STS: variants seen among roughly 807,000 people sequenced by gnomAD.
The protein encoded by STS is steryl-sulfatase.
In STS, 7 loss-of-function variants were observed where a neutral mutation model predicts 26.8. The ratio of observed to expected loss-of-function variants is 0.26; its 90% confidence interval spans 0.15 to 0.49. STS has a LOEUF of 0.49. Among genes scored for constraint, STS ranks in the 20% least tolerant of loss-of-function variants. STS has a pLI of 0.98. For synonymous variants in STS, 199 were observed against 189.4 expected, an observed-to-expected ratio of 1.05 and a Z score of -0.42; for missense variants, 434 against 465.6, an observed-to-expected ratio of 0.93 and a Z score of 0.63.
intron 5 of STS, among the ~76,000 whole-genome samples, chrX:7,257,950 A>G (rs1477224624): frequency 1.8e-5 from 2 of 110,850 alleles, no homozygotes; most frequent in East Asian, 5.7e-4. Context: ...GATAATAGGT[A>G]GAGAAATAGC....
At chrX:7,324,810 G>A (rs181804349) in intron 8 of STS, among the ~76,000 whole-genome samples, 1 of 111,472 alleles carries the variant, frequency 9.0e-6, no homozygotes, top group African/African-American at 3.3e-5. Flanking sequence ...TTTATTTTTG[G>A]TTTACAACCC....
intron 2 of STS, among the ~76,000 whole-genome samples, chrX:7,223,888 G>A (rs1921686300): frequency 9.0e-6 from 1 of 111,002 alleles, no homozygotes; most frequent in African/African-American, 3.3e-5. Context: ...AGACTACATA[G>A]ACATTCATTT....
chrX:7,264,770 G>A (rs958685025), intron 6 of STS, among the ~76,000 whole-genome samples: 42 of 111,614 alleles, frequency 3.8e-4, no homozygotes, highest in African/African-American at 1.3e-3. Context: ...AGAAACACTG[G>A]GTTTCATATA....
In STS at chrX:7,238,173, G is replaced by A. The variant is rs753399885; in HGVS notation, c.-4-15023G>A. On this transcript the variant is annotated intron_variant, in intron 2 of 10. Transcript: ENST00000674429. ...GTGTGTGTGTGTGTACACACAATGC[G>A]TGGTGTAGATAGATAGATAGATAGA... 3.1e-3 allele frequency among the ~76,000 whole-genome samples: 261 copies of A among 84,688 alleles called. 1 individual carries two copies. The highest frequency in any genetic ancestry group is 9.2e-3 in the Admixed American group (72 of 7,844). 73.5% of individuals were successfully genotyped at this position (84,688 alleles called of 115,157 possible).
At chrX:7,202,496 G>T (rs1480455858) in intron 2 of STS, among the ~76,000 whole-genome samples, 2 of 111,954 alleles carry the variant, frequency 1.8e-5, no homozygotes, top group African/African-American at 6.5e-5. Flanking sequence ...CTCTTCCGGG[G>T]AAGGGGATTA....
At chrX:7,148,229 C>T (rs1181433391) in intron 1 of STS, 146 bp downstream of exon 1, 4 of 372,605 alleles carry the variant, frequency 1.1e-5, no homozygotes, top group Non-Finnish European at 1.8e-5. Flanking sequence ...GCGCACGCGC[C>T]TTCCGCGGCC....
intron 1 of STS, among the ~76,000 whole-genome samples, chrX:7,148,741 T>G (rs1381546490): frequency 8.9e-6 from 1 of 112,238 alleles, no homozygotes; most frequent in East Asian, 2.8e-4. Flanking sequence ...GCGGAGAGGC[T>G]GCACAACCTC....
chrX:7,179,280 T>C (rs1933636619), intron 1 of STS, among the ~76,000 whole-genome samples: 1 of 111,256 alleles, frequency 9.0e-6, no homozygotes, highest in African/African-American at 3.3e-5. Context: ...GATAACTCGC[T>C]TTCTCTAGTC....
At chrX:7,256,692 A>G (rs1486104782) in intron 3 of STS, among the ~76,000 whole-genome samples, 1 of 111,604 alleles carries the variant, frequency 9.0e-6, no homozygotes, top group Non-Finnish European at 1.9e-5. Flanking sequence ...CCTATTTCAA[A>G]GACTTGGTTT....
chrX:7,152,163 A>G (rs1470765844), intron 1 of STS, among the ~76,000 whole-genome samples: 36 of 109,965 alleles, frequency 3.3e-4, no homozygotes, highest in Non-Finnish European at 4.4e-4. Flanking sequence ...CATGTTAGCC[A>G]GGATGGTCTC....
At chrX:7,258,413 C>G (rs5933824) in intron 5 of STS, among the ~76,000 whole-genome samples, 1 of 110,182 alleles carries the variant, frequency 9.1e-6, no homozygotes, top group Non-Finnish European at 1.9e-5. Context: ...GAAAGATAGA[C>G]ATATACATAG....
chrX:7,278,443 T>TTGAGGGCTGTA (rs1352954737), intron 7 of STS, among the ~76,000 whole-genome samples: 14 of 112,272 alleles, frequency 1.2e-4, no homozygotes, highest in Non-Finnish European at 2.6e-4. Flanking sequence ...CTCCACATGT[T>TTGAGGGCTGTA]TGAGGGCTGT....
rs1373248710 is a variant in STS at position 7,305,104 on chromosome X, C to G, written c.1002C>G (p.Phe334Leu). The change falls in exon 8 of 11, where the codon TTC (phenylalanine) becomes TTG (leucine). Residue 334 changes from phenylalanine to leucine, a missense_variant. By Grantham distance (22) the Phe-to-Leu change is conservative (BLOSUM62 0). Transcript: ENST00000674429. ...TGGCTAATGATACCCTCATCTACTT[C>G]ACATCGGACCAGGGAGCACATGTAG... ...LRLANDTLIYFTSDQGAHVEE... is the reference protein window; with the variant it reads ...LRLANDTLIYLTSDQGAHVEE... 8.3e-7 allele frequency: 1 copy of G among 1,210,803 alleles called. No homozygotes were observed. The highest frequency in any genetic ancestry group is 2.2e-5 in the Admixed American group (1 of 45,969).
chrX:7,169,278 C>T (rs187103576), intron 1 of STS, among the ~76,000 whole-genome samples: 1 of 112,007 alleles, frequency 8.9e-6, no homozygotes, highest in African/African-American at 3.2e-5. Flanking sequence ...CAGTGCTCTC[C>T]AAGAGGAGGG....
chrX:7,302,341 G>A (rs999741749), intron 7 of STS, among the ~76,000 whole-genome samples: 1 of 111,219 alleles, frequency 9.0e-6, no homozygotes, highest in African/African-American at 3.3e-5. Context: ...AACTCATTAA[G>A]CTAATTACCA....
At chrX:7,252,552 A>G (rs1329492269) in intron 2 of STS, among the ~76,000 whole-genome samples, 1 of 111,454 alleles carries the variant, frequency 9.0e-6, no homozygotes, top group East Asian at 2.8e-4. Context: ...ATGAAGTAGA[A>G]AGCCCACGTC....
At chrX:7,292,026 GAA>G (rs1460276920) in intron 7 of STS, among the ~76,000 whole-genome samples, 1 of 112,263 alleles carries the variant, frequency 8.9e-6, no homozygotes, top group Non-Finnish European at 1.9e-5. Context: ...AAAACCTAGA[GAA>G]AACAAGCTTC....
At chrX:7,260,557 C>T (rs1449894251) in intron 6 of STS, among the ~76,000 whole-genome samples, 1 of 111,418 alleles carries the variant, frequency 9.0e-6, no homozygotes, top group Admixed American at 9.5e-5. Flanking sequence ...AGGTGCCTGC[C>T]ACCATGCCTG....
At chrX:7,347,595 T>C (rs1294995038) in intron 10 of STS, among the ~76,000 whole-genome samples, 1 of 111,222 alleles carries the variant, frequency 9.0e-6, no homozygotes, top group African/African-American at 3.3e-5. Flanking sequence ...TTGAGTGGCT[T>C]TCAAAAGCAA....
Sources: allele counts gnomAD v4.1 joint callset (sites outside exome capture counted in the v4.1 genomes callset), GRCh38; gene constraint gnomAD v4.1.1; transcripts MANE v1.5; gene names NCBI Gene and HGNC (gene_info 2026-07-23, HGNC 2026-07-21).